GPR179: variants seen among roughly 807,000 people sequenced by gnomAD.
GPR179 encodes the protein G protein-coupled receptor 179.
GPR179 carries 52 observed loss-of-function variants against 70.8 expected under a neutral mutation model. That is an observed-to-expected ratio of 0.73 (90% CI 0.59 to 0.93). The LOEUF is 0.93. Among genes scored for constraint, GPR179 ranks in the 40% least tolerant of loss-of-function variants. The pLI is 0.00. For synonymous variants in GPR179, 1,123 were observed against 1,169.0 expected, an observed-to-expected ratio of 0.96 and a Z score of 0.80; for missense variants, 2,734 against 2,966.8, an observed-to-expected ratio of 0.92 and a Z score of 1.82.
At chr17:38,336,509 C>T (rs2037405382) in intron 4 of GPR179, among the ~76,000 whole-genome samples, 1 of 152,218 alleles carries the variant, frequency 6.6e-6, no homozygotes, top group Non-Finnish European at 1.5e-5. Context: ...GGTACCCCTT[C>T]TTGGCCCAGT....
In GPR179 at chr17:38,326,980, A is replaced by G. The variant is rs899602839; in HGVS notation, c.6589T>C (p.Ser2197Pro). Reference sequence around the variant, plus strand: ...TTGAGTTCTGGGTCCAGGGCACCTGACTGGGGCAAGAGCCCTCCTGAGCCT... The same window carrying G: ...TTGAGTTCTGGGTCCAGGGCACCTGGCTGGGGCAAGAGCCCTCCTGAGCCT... Reference protein sequence around the residue: ...GTGSGGLLPQSGALDPELKVS... With the variant: ...GTGSGGLLPQPGALDPELKVS... Residue 2197 changes from serine to proline, a missense_variant, in exon 11 of 11, where the codon TCA (serine) becomes CCA (proline). Ser to Pro is a moderately conservative substitution (Grantham distance 74). Coordinates refer to ENST00000616987, the MANE Select transcript of GPR179 (RefSeq NM_001004334.4). 1 of 1,614,050 alleles carries G rather than the reference A, an allele frequency of 6.2e-7. No homozygotes were observed. Among genetic ancestry groups the G allele is most frequent in the African/African-American group, 1.3e-5 (1 of 75,028 alleles).
Position 38,343,937 on chromosome 17 carries a change from T to C in GPR179, c.-148A>G, listed in dbSNP as rs2037475565. On this transcript the variant is annotated 5_prime_UTR_variant, in exon 1 of 11. Transcript: ENST00000616987. This position sits in a 1 kb window ranked among gnomAD's most constrained non-coding sequence, Gnocchi z 4.2. ...GTCTCCCTCTCACGCTGGTGCCAGC[T>C]CGCCTGCTTTTTTCTTCTCTCTAAC... 1 of 652,210 alleles carries C rather than the reference T, an allele frequency of 1.5e-6. No individual in the cohort carries two copies. The highest frequency in any genetic ancestry group is 3.1e-5 in the Admixed American group (1 of 32,574). 40.4% of individuals were successfully genotyped at this position (652,210 alleles called of 1,614,324 possible).
Position 38,334,558 on chromosome 17 carries a change from G to T in GPR179, c.1784+146C>A. ...ACAGAAGGGGCATCTGGGGGGTAGG[G>T]AGAGAGCCAGAAGTGGGGGCCTTCG... is the stretch of plus-strand genomic sequence containing the variant. On this transcript the variant is annotated intron_variant, in intron 8 of 10. Coordinates refer to ENST00000616987, the MANE Select transcript of GPR179 (RefSeq NM_001004334.4). This position sits in a 1 kb window ranked among gnomAD's most constrained non-coding sequence, Gnocchi z 4.7. 1.3e-6 allele frequency: 1 copy of T among 759,878 alleles called. No individual in the cohort carries two copies. The highest frequency in any genetic ancestry group is 2.2e-6 in the Non-Finnish European group (1 of 459,532). The allele number at this position is 759,878 out of a possible 1,614,324, so 47.1% of individuals were successfully genotyped here.
At chr17:38,332,858 TG>T (rs1355236522) in intron 10 of GPR179, among the ~76,000 whole-genome samples, 1 of 152,248 alleles carries the variant, frequency 6.6e-6, no homozygotes, top group Non-Finnish European at 1.5e-5. Flanking sequence ...CCGCCTGCCT[TG>T]GCCTCCCAAA....
At chr17:38,337,800 T>G in intron 2 of GPR179, 80 bp from the exon 3 acceptor site, 2 of 1,172,918 alleles carry the variant, frequency 1.7e-6, no homozygotes, top group Non-Finnish European at 2.5e-6. Context: ...AGATGGAGGG[T>G]CCATCTACCT....
intron 5 of GPR179, 95 bp from the exon 6 acceptor site, chr17:38,335,795 G>A (rs2037399806): frequency 1.3e-6 from 1 of 795,620 alleles, no homozygotes; most frequent in South Asian, 1.5e-5. Context: ...CAACAGCCCT[G>A]CAATAGAGCC....
intron 2 of GPR179, among the ~76,000 whole-genome samples, chr17:38,338,206 CA>C (rs1279950681): frequency 6.6e-6 from 1 of 152,228 alleles, no homozygotes; most frequent in African/African-American, 2.4e-5. Flanking sequence ...CTGGCTTTCG[CA>C]CAGGACTGTT....
rs1370338580 is a variant in GPR179 at position 38,327,608 on chromosome 17, C to T, written c.5961G>A (p.Leu1987=). The T allele has an allele frequency of 1.2e-6, 2 of 1,614,204 alleles. No homozygotes were observed. The highest frequency in any genetic ancestry group is 1.7e-6 in the Non-Finnish European group (2 of 1,180,044). The change falls in exon 11 of 11, where the codon CTG becomes CTA. Residue 1987 remains leucine (L), a synonymous_variant. Transcript: ENST00000616987. ...CAGCGGCCCTGCCCCCAGTGCTGAC[C>T]AGTCTCTGGGAGCTAGCTTTAGGTT... ...PDQPKASSQR[L]VSTGGRAADV... is the part of the protein sequence containing the mutation.
At position 38,327,940 on chromosome 17, in the gene GPR179, C is replaced by T. The variant is rs1455714691; in HGVS notation, c.5629G>A (p.Glu1877Lys). 1.9e-6 allele frequency: 3 copies of T among 1,614,182 alleles called. No homozygotes were observed. The highest frequency in any genetic ancestry group is 3.3e-5 in the Admixed American group (2 of 60,018). Residue 1877 changes from glutamate (E) to lysine (K), a missense_variant, in exon 11 of 11, where the codon GAG becomes AAG. Physicochemically the swap from Glu to Lys is moderately conservative, Grantham distance 56. Coordinates refer to ENST00000616987, the MANE Select transcript of GPR179 (RefSeq NM_001004334.4). ...GGGGATTCCCTCAAGTCCTTGTTCT[C>T]CCAAATACAAATAGTTTCCTGTTGT... ...CQQQETICIW[E>K]NKDLRESPAQ...
At chr17:38,336,266 T>G in intron 4 of GPR179, 122 bp from the exon 5 acceptor site, 1 of 720,000 alleles carries the variant, frequency 1.4e-6, no homozygotes, top group Non-Finnish European at 2.5e-6. Flanking sequence ...ACACTGGCTC[T>G]GCCCTCTCTG....
At position 38,336,989 on chromosome 17, in the gene GPR179, G is replaced by A. The variant is rs373472248; in HGVS notation, c.1216C>T (p.Arg406Cys). The change falls in exon 4 of 11, where the codon CGC (arginine) becomes TGC (cysteine). Residue 406 changes from arginine (R) to cysteine (C), a missense_variant. Coordinates refer to ENST00000616987, the MANE Select transcript of GPR179 (RefSeq NM_001004334.4). The part of the protein sequence containing the change: ...FLSMLVSYRC[R>C]RNKRIWASGV... ...GGGGCCTTCCTTGCCTTGTTCCGGC[G>A]GCAGCGGTAGGAGACCAGCATGCTC... 2.9e-5 allele frequency: 46 copies of A among 1,597,666 alleles called. 1 individual carries two copies. Among genetic ancestry groups the A allele is most frequent in the South Asian group, 1.7e-4 (15 of 88,270 alleles).
chr17:38,335,265 C>T lies in GPR179; in HGVS notation c.1413G>A (p.Leu471=), dbSNP rs1435781181. 8 of 1,549,824 alleles carry T rather than the reference C, an allele frequency of 5.2e-6. No homozygotes were observed. In the African/African-American group the frequency reaches 1.1e-4, roughly 21 times the overall value. ...GGGCCGTTCGAGACAGAAACAGCTG[C>T]AGCACTCTGCGAGGGTTAGAATACA... is the stretch of plus-strand genomic sequence containing the variant. The part of the protein sequence containing the change: ...GTIILKLYRV[L]QLFLSRTAQR... The change falls in exon 7 of 11, where the codon CTG becomes CTA. Residue 471 remains leucine (L), a synonymous_variant. Transcript: ENST00000616987.
rs114844749 is a variant in GPR179, at chr17:38,327,075, G to A, written c.6494C>T (p.Thr2165Met). 117 of 1,614,118 alleles carry A rather than the reference G, an allele frequency of 7.2e-5. No individual in the cohort carries two copies. In the East Asian group the frequency reaches 1.0e-3, roughly 14 times the overall value. ...TGCTGCTTTTGAGAAGTGTTCTTCC[G>A]TCCCTCCAGGTCCTGCCTTCTGAAG... Reference protein sequence around the residue: ...MFLQKAGPGGTEEHFSKAAAK... With the variant: ...MFLQKAGPGGMEEHFSKAAAK... Residue 2165 changes from threonine (T) to methionine (M), a missense_variant, in exon 11 of 11, where the codon ACG (threonine) becomes ATG (methionine). Thr to Met is a moderately conservative substitution (Grantham distance 81). Coordinates refer to ENST00000616987, the MANE Select transcript of GPR179 (RefSeq NM_001004334.4).
Position 38,326,334 on chromosome 17 carries a change from G to T in GPR179, c.*131C>A. 1.5e-6 allele frequency: 1 copy of T among 663,578 alleles called. No homozygotes were observed. Among genetic ancestry groups the T allele is most frequent in the Non-Finnish European group, 2.6e-6 (1 of 389,288 alleles). The allele number at this position is 663,578 out of a possible 1,614,324, so 41.1% of individuals were successfully genotyped here. On this transcript the variant is annotated 3_prime_UTR_variant, in exon 11 of 11. Transcript: ENST00000616987. ...ATGCAGTTTGTCTTTGGGATGGGTT[G>T]ACTTCTGGTCTTCTCAAGGAGGGGA... is the stretch of plus-strand genomic sequence containing the variant.
rs112987826 is a variant in GPR179, at chr17:38,330,168, C to T, written c.3401G>A (p.Arg1134Gln). The T allele has an allele frequency of 2.2e-4, 345 of 1,577,398 alleles. No homozygotes were observed. In the African/African-American group the frequency reaches 4.0e-3, roughly 18 times the overall value. Residue 1134 changes from arginine (R) to glutamine (Q), a missense_variant, in exon 11 of 11, where the codon CGG becomes CAG. Arg to Gln is a conservative substitution (Grantham distance 43). Coordinates refer to ENST00000616987, the MANE Select transcript of GPR179 (RefSeq NM_001004334.4). ...GGCCTGCTTACTCACCGCCTTGGGCCGGCCTAGCCTGGGCGATCGGGAGGG... is the reference window on the plus strand; with the variant it reads ...GGCCTGCTTACTCACCGCCTTGGGCTGGCCTAGCCTGGGCGATCGGGAGGG... ...GAPSRSPRLGRPKAVSKQAAL... is the reference protein window; with the variant it reads ...GAPSRSPRLGQPKAVSKQAAL...
chr17:38,334,175 C>T lies in GPR179; in HGVS notation c.1785-137G>A. The T allele has an allele frequency of 1.4e-6, 1 of 692,120 alleles. No individual in the cohort carries two copies. The highest frequency in any genetic ancestry group is 2.7e-5 in the Admixed American group (1 of 37,538). 42.9% of individuals were successfully genotyped at this position (692,120 alleles called of 1,614,324 possible). The stretch of plus-strand genomic sequence containing the variant: ...GGGGCATTCTGCCCTCTCCTGCCCT[C>T]TCCAGGATTTAGGTCCCACTTCAAT... On this transcript the variant is annotated intron_variant, in intron 8 of 10. Coordinates refer to ENST00000616987, the MANE Select transcript of GPR179 (RefSeq NM_001004334.4). The surrounding 1 kb of genome is among the most constrained non-coding windows in gnomAD (Gnocchi z 4.7).
intron 1 of GPR179, 40 bp from the exon 2 acceptor site, chr17:38,339,565 T>G (rs766647383): frequency 7.1e-7 from 1 of 1,413,498 alleles, no homozygotes; most frequent in East Asian, 2.3e-5. Context: ...CAGTGATTGA[T>G]GCCAAAGTGG....
intron 1 of GPR179, among the ~76,000 whole-genome samples, chr17:38,342,499 C>A (rs1464592293): frequency 2.0e-5 from 3 of 152,098 alleles, no homozygotes; most frequent in African/African-American, 4.8e-5. Context: ...GCTACCACAC[C>A]CAGCTAATTT....
rs199965175 is a variant in GPR179 at position 38,336,185 on chromosome 17, G to A, written c.1228-41C>T. On this transcript the variant is annotated intron_variant, in intron 4 of 10. Coordinates refer to ENST00000616987, the MANE Select transcript of GPR179 (RefSeq NM_001004334.4). ...AGAGGCATGTGAGCAGAGTCTGGAC[G>A]ATGGTTCTAGAGGCTCTCAGGCCTA... is the stretch of plus-strand genomic sequence containing the variant. The A allele has an allele frequency of 4.2e-5, 58 of 1,380,916 alleles. 1 individual carries two copies. The African/African-American group carries it at 6.3e-4, about 15-fold the overall frequency. 85.5% of individuals were successfully genotyped at this position (1,380,916 alleles called of 1,614,324 possible).
Sources: gnomAD v4.1 joint callset for allele counts (sites outside exome capture counted in the v4.1 genomes callset) on GRCh38, gnomAD v4.1.1 for gene constraint, Gnocchi (gnomAD v3.1) non-coding constraint, MANE v1.5 for transcripts, NCBI Gene and HGNC (gene_info 2026-07-23, HGNC 2026-07-21) for gene names.